Variants in PCDHA3 observed in about 807,000 individuals in gnomAD.
PCDHA3 encodes protocadherin alpha-3.
A neutral mutation model predicts 62.2 loss-of-function variants in PCDHA3; 41 were observed. The ratio of observed to expected loss-of-function variants is 0.66; its 90% CI spans 0.51 to 0.86. PCDHA3 has a LOEUF of 0.86. Ranked by LOEUF, PCDHA3 falls within the 40% of genes least tolerant of loss-of-function variation. The pLI is 0.00. For missense variants in PCDHA3, 1,304 were observed against 1,241.2 expected, an observed-to-expected ratio of 1.05 and a Z score of -0.76; for synonymous variants, 640 against 555.4, an observed-to-expected ratio of 1.15 and a Z score of -2.14.
chr5:140,901,459 C>G (rs528238941), intron 1 of PCDHA3, among the ~76,000 whole-genome samples: 1 of 152,160 alleles, frequency 6.6e-6, no homozygotes, highest in South Asian at 2.1e-4. Flanking sequence ...CACAGACTGT[C>G]TTTTCTCGAG....
At chr5:140,807,684 C>G (rs782583674) in intron 1 of PCDHA3, 1 of 1,614,118 alleles carries the variant, frequency 6.2e-7, no homozygotes, top group African/African-American at 1.3e-5. Flanking sequence ...GGGGAGAACG[C>G]CCTGCTCACT....
chr5:140,819,055 C>T (rs1766481614), intron 1 of PCDHA3, among the ~76,000 whole-genome samples: 1 of 152,162 alleles, frequency 6.6e-6, no homozygotes, highest in South Asian at 2.1e-4. Context: ...GTTATACCTT[C>T]CTCTGTGACT....
chr5:141,009,544 C>A (rs1236431515), intron 3 of PCDHA3, 83 bp from the exon 4 acceptor site: 1 of 1,534,390 alleles, frequency 6.5e-7, no homozygotes. Context: ...CCTGCCTATG[C>A]AGTACTCCTG....
intron 1 of PCDHA3, chr5:140,803,987 A>G: frequency 3.5e-6 from 1 of 282,346 alleles, no homozygotes. Flanking sequence ...ACTTCCTACT[A>G]CCTGTTAGTA....
intron 1 of PCDHA3, chr5:140,830,373 G>C (rs2150185640): frequency 1.2e-6 from 2 of 1,614,144 alleles, no homozygotes; most frequent in South Asian, 2.2e-5. Flanking sequence ...GTGTGCTCCG[G>C]GGAGGGCCCA....
At chr5:140,878,274 C>A (rs1273765492) in intron 1 of PCDHA3, among the ~76,000 whole-genome samples, 2 of 152,092 alleles carry the variant, frequency 1.3e-5, no homozygotes, top group Non-Finnish European at 2.9e-5. Context: ...TTTAAAATAG[C>A]CTTCTTGATC....
intron 1 of PCDHA3, chr5:140,871,169 A>AG: frequency 6.2e-7 from 1 of 1,613,520 alleles, no homozygotes; most frequent in Non-Finnish European, 8.5e-7. Flanking sequence ...GCGAGCCCAG[A>AG]GGCTGCGCTG....
chr5:140,967,903 A>G, intron 1 of PCDHA3: 1 of 1,614,112 alleles, frequency 6.2e-7, no homozygotes, highest in African/African-American at 1.3e-5. Context: ...AGAATGCTAC[A>G]CCCAACACCA....
Position 141,009,910 on chromosome 5 carries a change from C to G in PCDHA3, c.2826C>G (p.Asn942Lys), listed in dbSNP as rs1554262551. ...CCCAGGAGAAAAAAGAGAAAGGGAA[C>G]AGCACGACTGACAACAGTGACCAGT... The part of the protein sequence containing the change: ...NKTQEKKEKG[N>K]STTDNSDQ Residue 942 changes from asparagine to lysine, a missense_variant, in exon 4 of 4, where the codon AAC (asparagine) becomes AAG (lysine). Physicochemically the swap from Asn to Lys is moderately conservative, Grantham distance 94 (BLOSUM62 0). Transcript: ENST00000522353. 28 of 1,612,616 alleles carry G rather than the reference C, an allele frequency of 1.7e-5. No homozygotes were observed. Among genetic ancestry groups the G allele is most frequent in the African/African-American group, 5.4e-5 (4 of 74,736 alleles).
chr5:140,835,477 C>T (rs2150236453), intron 1 of PCDHA3: 2 of 1,613,948 alleles, frequency 1.2e-6, no homozygotes, highest in Non-Finnish European at 1.7e-6. Flanking sequence ...GACGCCCAAC[C>T]AGGTACCGTC....
intron 1 of PCDHA3, among the ~76,000 whole-genome samples, chr5:140,903,429 G>A (rs782504374): frequency 1.3e-5 from 2 of 152,180 alleles, no homozygotes; most frequent in Non-Finnish European, 2.9e-5. Context: ...AGCACAATAT[G>A]TATCAGTGGA....
chr5:140,822,942 G>A, intron 1 of PCDHA3: 2 of 1,614,212 alleles, frequency 1.2e-6, no homozygotes, highest in African/African-American at 1.3e-5. Context: ...GCTCCCTAAT[G>A]CCCCACGTTC....
intron 1 of PCDHA3, chr5:140,870,744 C>G: frequency 3.7e-6 from 6 of 1,613,474 alleles, no homozygotes; most frequent in Non-Finnish European, 5.1e-6. Flanking sequence ...TGAGCAGCAA[C>G]GTGACGCTGC....
chr5:140,877,558 A>T, intron 1 of PCDHA3: 1 of 1,613,746 alleles, frequency 6.2e-7, no homozygotes, highest in Non-Finnish European at 8.5e-7. Flanking sequence ...TCTGGTGGAT[A>T]TTAACGTGTA....
At chr5:140,924,227 TA>T (rs2153571643) in intron 1 of PCDHA3, among the ~76,000 whole-genome samples, 1 of 152,354 alleles carries the variant, frequency 6.6e-6, no homozygotes, top group East Asian at 1.9e-4. Flanking sequence ...GTTCAATTTT[TA>T]TGGGCTGTTT....
intron 1 of PCDHA3, among the ~76,000 whole-genome samples, chr5:140,964,926 A>G (rs2095863338): frequency 6.6e-6 from 1 of 152,212 alleles, no homozygotes; most frequent in African/African-American, 2.4e-5. Flanking sequence ...CTGGCTAGGT[A>G]GTGGAGCATT....
rs2150458780 is a variant in PCDHA3, at chr5:140,849,941, T to A, written c.2394+46350T>A. ...TCTTCACGGTGTCTGCGCGGGACGC[T>A]GACGCGCAGGAGAACGCCCTGGTGT... On this transcript the variant is annotated intron_variant, in intron 1 of 3. Transcript: ENST00000522353. The A allele has an allele frequency of 1.5e-5, 24 of 1,597,306 alleles. 2 individuals carry two copies. Among genetic ancestry groups the A allele is most frequent in the Non-Finnish European group, 1.9e-5 (22 of 1,167,576 alleles).
intron 1 of PCDHA3, chr5:140,849,827 G>T (rs1554143366): frequency 6.3e-7 from 1 of 1,598,480 alleles, no homozygotes; most frequent in Non-Finnish European, 8.6e-7. Context: ...TGTCTGTGGA[G>T]GTGGCCGACG....
At chr5:140,938,705 A>G (rs1554212312) in intron 1 of PCDHA3, among the ~76,000 whole-genome samples, 1 of 152,150 alleles carries the variant, frequency 6.6e-6, no homozygotes, top group African/African-American at 2.4e-5. Context: ...ATATATGTTT[A>G]TGATAGAAAC....
Sources: allele counts gnomAD v4.1 joint callset (sites outside exome capture counted in the v4.1 genomes callset), GRCh38; gene constraint gnomAD v4.1.1; transcripts MANE v1.5; gene names NCBI Gene and HGNC (gene_info 2026-07-23, HGNC 2026-07-21).